Variants in KCNN2 observed in about 807,000 individuals in gnomAD.
KCNN2 encodes small conductance calcium-activated potassium channel protein 2.
In KCNN2, 24 loss-of-function variants were observed where a neutral mutation model predicts 55.5. That is an observed-to-expected ratio of 0.43 (90% CI 0.31 to 0.61). The LOEUF (loss-of-function observed/expected upper bound fraction) is 0.61. KCNN2 is among the 20% of genes least tolerant of loss of function. KCNN2 has a pLI of 0.08. For missense variants in KCNN2, 754 were observed against 853.6 expected, an observed-to-expected ratio of 0.88 and a Z score of 1.45; for synonymous variants, 431 against 336.1, an observed-to-expected ratio of 1.28 and a Z score of -3.09.
intron 3 of KCNN2, among the ~76,000 whole-genome samples, chr5:114,459,534 T>C (rs2150111751): frequency 6.6e-6 from 1 of 152,338 alleles, no homozygotes; most frequent in Non-Finnish European, 1.5e-5. Context: ...CTGTGAAAAG[T>C]CTAATTTTGT....
intron 3 of KCNN2, among the ~76,000 whole-genome samples, chr5:114,410,981 C>T (rs1759112700): frequency 6.6e-6 from 1 of 152,026 alleles, no homozygotes; most frequent in South Asian, 2.1e-4. Flanking sequence ...CTTTTGAATA[C>T]CTTTGGATAA....
At position 114,404,595 on chromosome 5, in the gene KCNN2, C is replaced by T; in HGVS notation, c.1376C>T (p.Pro459Leu). The change falls in exon 3 of 8, where the codon CCA (proline) becomes CTA (leucine). Residue 459 changes from proline (P) to leucine (L), a missense_variant. This residue lies in a region of KCNN2 where 123 missense variants were observed against 204.9 expected (regional missense o/e 0.60). Transcript: ENST00000673685. ...GCCCGGCTTGCCTTCTCCTATGCCC[C>T]ATCCACAACCACCGCTGATGTGGAT... ...WTARLAFSYA[P>L]STTTADVDII... 6.2e-7 allele frequency: 1 copy of T among 1,613,952 alleles called. No homozygotes were observed. The highest frequency in any genetic ancestry group is 8.5e-7 in the Non-Finnish European group (1 of 1,179,966).
intron 1 of KCNN2, among the ~76,000 whole-genome samples, chr5:114,176,878 G>T (rs1753140301): frequency 6.6e-6 from 1 of 152,084 alleles, no homozygotes. Flanking sequence ...ATAAAAATAT[G>T]TAAGTTAATA....
chr5:114,151,015 G>T (rs1360057402), intron 1 of KCNN2, among the ~76,000 whole-genome samples: 1 of 152,008 alleles, frequency 6.6e-6, no homozygotes, highest in Non-Finnish European at 1.5e-5. Context: ...GAGTGAAACT[G>T]TGTCTCAAAA....
chr5:114,397,080 T>G (rs1444101129), intron 2 of KCNN2, among the ~76,000 whole-genome samples: 1 of 152,216 alleles, frequency 6.6e-6, no homozygotes, highest in Non-Finnish European at 1.5e-5. Context: ...CTGTGCAGTA[T>G]TCCATAGTGT....
At chr5:114,118,667 T>A (rs1751767839) in intron 1 of KCNN2, among the ~76,000 whole-genome samples, 2 of 152,066 alleles carry the variant, frequency 1.3e-5, no homozygotes, top group Non-Finnish European at 2.9e-5. Flanking sequence ...CATGTGAATC[T>A]CAGTCAGAAA....
intron 2 of KCNN2, among the ~76,000 whole-genome samples, chr5:114,368,321 A>G (rs1439286019): frequency 6.6e-6 from 1 of 152,216 alleles, no homozygotes; most frequent in Non-Finnish European, 1.5e-5. Context: ...ATCTTTTATG[A>G]TGGAATAACT....
rs147208085 is a variant in KCNN2 at position 114,471,739 on chromosome 5, G to A, written c.1780-1315G>A. Among the ~76,000 whole-genome samples, 261 of 152,164 alleles carry A rather than the reference G, an allele frequency of 1.7e-3. 2 individuals carry two copies. Among genetic ancestry groups the A allele is most frequent in the African/African-American group, 6.2e-3 (256 of 41,520 alleles). ...TTCTGAGGATACTGATTTCTTCATA[G>A]AACTAGATGGAACAGGCTATTTAAG... On this transcript the variant is annotated intron_variant, in intron 4 of 7. Coordinates refer to ENST00000673685, the MANE Select transcript of KCNN2 (RefSeq NM_021614.4).
At chr5:114,153,846 G>C (rs779774508) in intron 1 of KCNN2, among the ~76,000 whole-genome samples, 1 of 152,198 alleles carries the variant, frequency 6.6e-6, no homozygotes, top group Non-Finnish European at 1.5e-5. Flanking sequence ...GGAGTGAGGA[G>C]ACTGTGGTCA....
chr5:114,254,457 G>T (rs1422443852), intron 2 of KCNN2, among the ~76,000 whole-genome samples: 2 of 152,094 alleles, frequency 1.3e-5, no homozygotes, highest in African/African-American at 4.8e-5. Flanking sequence ...CTGATATTCA[G>T]GCAGATACAT....
chr5:114,236,608 C>A (rs1754498002), intron 2 of KCNN2, among the ~76,000 whole-genome samples: 1 of 152,056 alleles, frequency 6.6e-6, no homozygotes, highest in African/African-American at 2.4e-5. Flanking sequence ...GACATTAGGC[C>A]ATATGTATGC....
chr5:114,222,437 C>A (rs1754160345), intron 2 of KCNN2, among the ~76,000 whole-genome samples: 2 of 152,122 alleles, frequency 1.3e-5, no homozygotes, highest in Admixed American at 1.3e-4. Context: ...ATTTGAGGGC[C>A]TTCCCCAAAA....
intron 1 of KCNN2, among the ~76,000 whole-genome samples, chr5:114,093,030 A>G (rs1005654287): frequency 3.3e-5 from 5 of 152,132 alleles, no homozygotes; most frequent in African/African-American, 1.2e-4. Flanking sequence ...ATTTCTCCCT[A>G]GAAAATGGGT....
At chr5:114,395,199 C>T (rs1758579126) in intron 2 of KCNN2, among the ~76,000 whole-genome samples, 2 of 152,190 alleles carry the variant, frequency 1.3e-5, no homozygotes, top group African/African-American at 4.8e-5. Flanking sequence ...TCTTTGTGGG[C>T]AGGCCCCTCC....
intron 2 of KCNN2, among the ~76,000 whole-genome samples, chr5:114,344,265 G>C (rs1757068414): frequency 6.6e-6 from 1 of 152,134 alleles, no homozygotes; most frequent in Non-Finnish European, 1.5e-5. Context: ...GCAAATATGA[G>C]GGGTTCCCAA....
chr5:114,173,694 A>G (rs1289326965), intron 1 of KCNN2, among the ~76,000 whole-genome samples: 1 of 151,512 alleles, frequency 6.6e-6, no homozygotes, highest in Non-Finnish European at 1.5e-5. Context: ...TTTTCATTGT[A>G]TAAATCCTTT....
chr5:114,129,853 T>C (rs565965839), intron 1 of KCNN2, among the ~76,000 whole-genome samples: 2 of 152,362 alleles, frequency 1.3e-5, no homozygotes, highest in East Asian at 3.9e-4. Context: ...TGATTCTTCA[T>C]AACTGTGTTT....
At chr5:114,158,180 A>G (rs981712116) in intron 1 of KCNN2, among the ~76,000 whole-genome samples, 6 of 152,256 alleles carry the variant, frequency 3.9e-5, no homozygotes, top group East Asian at 3.9e-4. Context: ...TAATTTTTGT[A>G]TAAGGTGTAA....
At chr5:114,119,948 T>C (rs1751792719) in intron 1 of KCNN2, among the ~76,000 whole-genome samples, 1 of 151,966 alleles carries the variant, frequency 6.6e-6, no homozygotes, top group African/African-American at 2.4e-5. Context: ...CATTAGGAGA[T>C]GGAAAGTCAC....
Sources: allele counts gnomAD v4.1 joint callset (sites outside exome capture counted in the v4.1 genomes callset), GRCh38; gene constraint gnomAD v4.1.1; regional missense constraint gnomAD v4.1.1; transcripts MANE v1.5; gene names NCBI Gene and HGNC (gene_info 2026-07-23, HGNC 2026-07-21).